Variants in ZFHX3 observed in about 807,000 individuals in gnomAD.
ZFHX3 encodes the protein zinc finger homeobox protein 3.
Under a neutral mutation model 279.1 loss-of-function variants are expected in ZFHX3, and 42 were observed. That is an observed-to-expected ratio of 0.15 (90% CI 0.12 to 0.19). The LOEUF (loss-of-function observed/expected upper bound fraction) is 0.19, where lower values mean the gene tolerates loss of function less well. ZFHX3 is among the 10% of genes least tolerant of loss of function. The pLI, the probability that ZFHX3 is intolerant of heterozygous loss-of-function variation, is 1.00. For synonymous variants in ZFHX3, 2,293 were observed against 1,957.8 expected (o/e 1.17, Z -4.52); for missense variants, 4,981 against 4,754.0 (o/e 1.05, Z -1.40).
chr16:73,426,945 T>C (rs942210329), intron 3 of ZFHX3, among the ~76,000 whole-genome samples: 3 of 152,166 alleles, frequency 2.0e-5, no homozygotes, highest in Non-Finnish European at 4.4e-5. Flanking sequence ...ACTTTTAGTG[T>C]AATTTACGGG....
At chr16:73,358,196 A>C (rs1160674903) in intron 3 of ZFHX3, among the ~76,000 whole-genome samples, 1 of 151,806 alleles carries the variant, frequency 6.6e-6, no homozygotes, top group Non-Finnish European at 1.5e-5. Context: ...AGCACCGTCC[A>C]CTCCCTGGCA....
chr16:73,365,175 G>A (rs1411562095), intron 3 of ZFHX3, among the ~76,000 whole-genome samples: 1 of 152,216 alleles, frequency 6.6e-6, no homozygotes, highest in Non-Finnish European at 1.5e-5. Context: ...GAGACCTCCG[G>A]TACTTGGCAA....
At chr16:73,590,005 T>C (rs958302782) in intron 2 of ZFHX3, among the ~76,000 whole-genome samples, 1 of 152,094 alleles carries the variant, frequency 6.6e-6, no homozygotes, top group African/African-American at 2.4e-5. Flanking sequence ...TTTTCAGTAA[T>C]TGTATTGGTG....
chr16:73,178,496 T>C (rs28715831), intron 5 of ZFHX3, among the ~76,000 whole-genome samples: 50,069 of 152,012 alleles, frequency 0.33, 8,876 homozygotes, highest in African/African-American at 0.45. Context: ...TCCTTCATCA[T>C]TTTCCTCTTT....
At position 72,945,846 on chromosome 16, in the gene ZFHX3, C is replaced by G. The variant is rs1037909360; in HGVS notation, c.3216+4623G>C. 2.0e-5 allele frequency among the ~76,000 whole-genome samples: 3 copies of G among 152,090 alleles called. No individual in the cohort carries two copies. In the South Asian group the frequency reaches 6.2e-4, roughly 32 times the overall value. On this transcript the variant is annotated intron_variant, in intron 3 of 9. Transcript: ENST00000268489. ...GGATGTATGCTTTTTGCTCTCAGTGCAAGACAAAGGCCTCCAGGCACCACC... is the reference window on the plus strand; with the variant it reads ...GGATGTATGCTTTTTGCTCTCAGTGGAAGACAAAGGCCTCCAGGCACCACC...
intron 8 of ZFHX3, among the ~76,000 whole-genome samples, chr16:73,071,619 T>C (rs552921438): frequency 2.6e-5 from 4 of 152,236 alleles, no homozygotes; most frequent in South Asian, 4.2e-4. Flanking sequence ...TCCATGCAGG[T>C]GCCTCCTGCC....
chr16:73,550,674 T>C (rs916637735), intron 2 of ZFHX3, among the ~76,000 whole-genome samples: 19 of 152,224 alleles, frequency 1.2e-4, no homozygotes, highest in Admixed American at 3.3e-4. Flanking sequence ...TTTCTCTTTC[T>C]TCTAAGCACC....
intron 5 of ZFHX3, among the ~76,000 whole-genome samples, chr16:73,149,155 ATAT>A (rs1050043774): frequency 1.8e-4 from 26 of 148,272 alleles, no homozygotes; most frequent in African/African-American, 5.4e-4. Context: ...TTATCAACAG[ATAT>A]TATACTTTAT....
chr16:73,228,257 T>A (rs979771244), intron 5 of ZFHX3, among the ~76,000 whole-genome samples: 1 of 152,220 alleles, frequency 6.6e-6, no homozygotes, highest in African/African-American at 2.4e-5. Context: ...TTCTAAAAAT[T>A]ATTAAACTTG....
At chr16:73,413,647 G>A (rs953519983) in intron 3 of ZFHX3, among the ~76,000 whole-genome samples, 7 of 152,184 alleles carry the variant, frequency 4.6e-5, no homozygotes, top group African/African-American at 1.7e-4. Context: ...AGATCTTGGT[G>A]CTGATGATGT....
At position 72,959,755 on chromosome 16, in the gene ZFHX3, C is replaced by G; in HGVS notation, c.391G>C (p.Gly131Arg). Reference sequence around the variant, plus strand: ...CCGTCCGGCTGGTAGACGATCTCCCCGGCCAGGTTCTCCACGTCACTCTCC... The same window carrying G: ...CCGTCCGGCTGGTAGACGATCTCCCGGGCCAGGTTCTCCACGTCACTCTCC... Reference protein sequence around the residue: ...DEESDVENLAGEIVYQPDGSA... With the variant: ...DEESDVENLAREIVYQPDGSA... The change falls in exon 2 of 10, where the codon GGG becomes CGG. Residue 131 changes from glycine to arginine, a missense_variant. By Grantham distance (125) the Gly-to-Arg change is moderately radical (BLOSUM62 -2). Around this residue, in one of 7 missense-constraint regions of ZFHX3, gnomAD observed 1,068 missense variants for 935.2 expected, o/e 1.14. Coordinates refer to ENST00000268489, the MANE Select transcript of ZFHX3 (RefSeq NM_006885.4). 1 of 1,609,994 alleles carries G rather than the reference C, an allele frequency of 6.2e-7. No individual in the cohort carries two copies. The highest frequency in any genetic ancestry group is 8.5e-7 in the Non-Finnish European group (1 of 1,177,300).
chr16:72,905,423 T>A (rs995091893), intron 3 of ZFHX3, among the ~76,000 whole-genome samples: 1 of 152,110 alleles, frequency 6.6e-6, no homozygotes, highest in Admixed American at 6.5e-5. Flanking sequence ...ATTCCATTCC[T>A]CCATTTCTTC....
At chr16:73,365,915 T>C (rs2059263) in intron 3 of ZFHX3, among the ~76,000 whole-genome samples, 133,655 of 152,240 alleles carry the variant, frequency 0.88, 58,987 homozygotes, top group Non-Finnish European at 0.91. Flanking sequence ...TCTACAAGAG[T>C]GGACCTGGGT....
intron 1 of ZFHX3, among the ~76,000 whole-genome samples, chr16:73,005,405 G>A (rs1963665831): frequency 1.3e-5 from 2 of 152,180 alleles, no homozygotes; most frequent in South Asian, 4.1e-4. Flanking sequence ...TGAGGCAGGA[G>A]AACTGCTTGA....
At chr16:73,086,729 C>A (rs894868790) in intron 8 of ZFHX3, among the ~76,000 whole-genome samples, 1 of 151,830 alleles carries the variant, frequency 6.6e-6, no homozygotes, top group African/African-American at 2.4e-5. Context: ...ATGACAAAAC[C>A]CCATCTGTAC....
rs985034600 is a variant in ZFHX3, at chr16:72,815,646, G to T, written c.3530-3608C>A. ...AGTACTGTGGTTTCTCACTTTGAAG[G>T]CTTTTCTAAACTTAAACTCTAGAAG... On this transcript the variant is annotated intron_variant, in intron 5 of 9. Coordinates refer to ENST00000268489, the MANE Select transcript of ZFHX3 (RefSeq NM_006885.4). Among the ~76,000 whole-genome samples the T allele has an allele frequency of 6.6e-5, 10 of 152,262 alleles. No homozygotes were observed. The East Asian group carries it at 1.9e-3, about 29-fold the overall frequency.
intron 5 of ZFHX3, among the ~76,000 whole-genome samples, chr16:73,249,537 G>A (rs528360546): frequency 2.0e-5 from 3 of 152,262 alleles, no homozygotes; most frequent in East Asian, 3.9e-4. Flanking sequence ...TGACTACCAC[G>A]AGAAGAGTAT....
intron 1 of ZFHX3, among the ~76,000 whole-genome samples, chr16:73,774,609 C>T (rs1278204234): frequency 6.6e-6 from 1 of 152,148 alleles, no homozygotes; most frequent in Admixed American, 6.6e-5. Flanking sequence ...AAGATGGTGC[C>T]ATTTGTAAGG....
At chr16:73,283,688 C>T (rs1441161462) in intron 4 of ZFHX3, among the ~76,000 whole-genome samples, 1 of 152,188 alleles carries the variant, frequency 6.6e-6, no homozygotes, top group Non-Finnish European at 1.5e-5. Flanking sequence ...ATTTAAGTGT[C>T]AGCTTATTTT....
Sources: allele counts gnomAD v4.1 joint callset (sites outside exome capture counted in the v4.1 genomes callset), GRCh38; gene constraint gnomAD v4.1.1; regional missense constraint gnomAD v4.1.1; transcripts MANE v1.5; gene names NCBI Gene and HGNC (gene_info 2026-07-23, HGNC 2026-07-21).